The following GLIS3 variants were observed in gnomAD, a reference collection of about 807,000 sequenced individuals.
GLIS3 encodes the protein zinc finger protein GLIS3.
In GLIS3, 53 loss-of-function variants were observed where a neutral mutation model predicts 78.6. That is an observed-to-expected ratio of 0.67 (90% CI 0.54 to 0.85). The LOEUF (loss-of-function observed/expected upper bound fraction) is 0.85, where lower values mean the gene tolerates loss of function less well. Among genes scored for constraint, GLIS3 ranks in the 40% least tolerant of loss-of-function variants. The probability of loss-of-function intolerance (pLI) is 0.00; values close to 1 mark genes in which losing one functional copy is unlikely to be tolerated. For missense variants in GLIS3, 1,703 were observed against 1,231.1 expected, an observed-to-expected ratio of 1.38 and a Z score of -5.74; for synonymous variants, 684 against 509.9, an observed-to-expected ratio of 1.34 and a Z score of -4.60.
At chr9:4,112,479 G>A (rs1234785812) in intron 4 of GLIS3, among the ~76,000 whole-genome samples, 1 of 152,134 alleles carries the variant, frequency 6.6e-6, no homozygotes, top group Non-Finnish European at 1.5e-5. Context: ...TTATAATACT[G>A]TTCTCAACCT....
chr9:4,282,209 G>A (rs955405261), intron 2 of GLIS3, among the ~76,000 whole-genome samples: 1 of 151,986 alleles, frequency 6.6e-6, no homozygotes, highest in African/African-American at 2.4e-5. Context: ...TTTCTTAGCC[G>A]CCGTGTAAAC....
intron 2 of GLIS3, among the ~76,000 whole-genome samples, chr9:4,214,636 T>C (rs924326539): frequency 3.3e-5 from 5 of 152,204 alleles, no homozygotes; most frequent in African/African-American, 4.8e-5. Context: ...CTGGTTTTCA[T>C]TTAGCTTCCT....
At chr9:4,349,245 A>G (rs555065884), upstream of GLIS3, among the ~76,000 whole-genome samples, 4 of 152,346 alleles carry the variant, frequency 2.6e-5, no homozygotes, top group South Asian at 8.3e-4. Flanking sequence ...TGGCACTGGT[A>G]TGCACACTTG....
At chr9:3,945,096 C>T (rs970853506) in intron 4 of GLIS3, among the ~76,000 whole-genome samples, 2 of 152,184 alleles carry the variant, frequency 1.3e-5, no homozygotes, top group Non-Finnish European at 2.9e-5. Flanking sequence ...TTTAAGGCCC[C>T]ACCTCTCAGC....
At chr9:4,175,687 T>C (rs1035532222) in intron 2 of GLIS3, among the ~76,000 whole-genome samples, 1 of 152,184 alleles carries the variant, frequency 6.6e-6, no homozygotes, top group Admixed American at 6.5e-5. Context: ...ATTTTCAAAG[T>C]CCAAGTACTT....
At chr9:4,167,158 G>A (rs1815933936) in intron 2 of GLIS3, among the ~76,000 whole-genome samples, 1 of 152,182 alleles carries the variant, frequency 6.6e-6, no homozygotes, top group Non-Finnish European at 1.5e-5. Context: ...CATCCAAAGA[G>A]GATAAGGGAG....
chr9:3,847,977 C>T (rs778305545), intron 9 of GLIS3, among the ~76,000 whole-genome samples: 2 of 152,290 alleles, frequency 1.3e-5, no homozygotes, highest in South Asian at 4.1e-4. Context: ...GTTCACTCAT[C>T]GGCTCATTTC....
At chr9:4,470,274 T>C in the GLIS3 span, among the ~76,000 whole-genome samples, 3 of 152,146 alleles carry the variant, frequency 2.0e-5, no homozygotes, top group East Asian at 1.9e-4. Context: ...ATCATCCTGA[T>C]TGCAAACCCT....
the GLIS3 span, among the ~76,000 whole-genome samples, chr9:4,366,322 A>C: frequency 6.6e-6 from 1 of 152,232 alleles, no homozygotes; most frequent in East Asian, 1.9e-4. Context: ...AGACTTCTTT[A>C]GCTAATTGCC....
chr9:4,164,325 A>G (rs1835718927), intron 2 of GLIS3, among the ~76,000 whole-genome samples: 1 of 152,206 alleles, frequency 6.6e-6, no homozygotes, highest in Admixed American at 6.5e-5. Flanking sequence ...CCTCTCTGAA[A>G]GCTTAGAGGA....
chr9:4,447,460 C>T, the GLIS3 span, among the ~76,000 whole-genome samples: 3 of 152,134 alleles, frequency 2.0e-5, no homozygotes, highest in African/African-American at 7.2e-5. Flanking sequence ...CCACCACCAC[C>T]ATGTTCACCC....
intron 2 of GLIS3, among the ~76,000 whole-genome samples, chr9:4,192,162 T>C (rs954917647): frequency 6.6e-6 from 1 of 152,164 alleles, no homozygotes; most frequent in Non-Finnish European, 1.5e-5. Flanking sequence ...CAGTTTCCCA[T>C]AAAATTTTCA....
At chr9:4,248,250 C>A (rs899082428) in intron 2 of GLIS3, among the ~76,000 whole-genome samples, 1 of 152,110 alleles carries the variant, frequency 6.6e-6, no homozygotes, top group Non-Finnish European at 1.5e-5. Context: ...CCCCCCATCC[C>A]CCAACAGGCT....
chr9:4,364,361 GA>G, the GLIS3 span, among the ~76,000 whole-genome samples: 1 of 152,146 alleles, frequency 6.6e-6, no homozygotes, highest in Non-Finnish European at 1.5e-5. Context: ...CTTGGGTGAG[GA>G]TAAGTCTTAA....
chr9:4,116,985 G>A (rs1253045187), intron 4 of GLIS3, among the ~76,000 whole-genome samples: 1 of 152,276 alleles, frequency 6.6e-6, no homozygotes, highest in South Asian at 2.1e-4. Flanking sequence ...AACCATTTAA[G>A]AATCGTATTA....
intron 2 of GLIS3, among the ~76,000 whole-genome samples, chr9:4,318,178 G>A (rs182616031): frequency 1.8e-3 from 281 of 152,270 alleles, no homozygotes; most frequent in African/African-American, 6.5e-3. Context: ...GTGGTGGGTG[G>A]AAGGCAGTTA....
chr9:4,249,727 C>G lies in GLIS3; in HGVS notation c.388+36311G>C, dbSNP rs187572462. On this transcript the variant is annotated intron_variant, in intron 2 of 10. Transcript: ENST00000381971. ...TCAAAGGGAATGCTTCCAGCTTTTG[C>G]CCATTCAGTATGATATTGACTGTGG... Among the ~76,000 whole-genome samples, 528 of 152,280 alleles carry G rather than the reference C, an allele frequency of 3.5e-3. 2 individuals carry two copies. Among genetic ancestry groups the G allele is most frequent in the Non-Finnish European group, 3.2e-3 (221 of 68,024 alleles).
At chr9:4,164,540 T>C (rs1835737157) in intron 2 of GLIS3, among the ~76,000 whole-genome samples, 1 of 152,214 alleles carries the variant, frequency 6.6e-6, no homozygotes, top group South Asian at 2.1e-4. Flanking sequence ...GGTCAGACTT[T>C]CTGAGTTCCT....
chr9:3,982,590 G>T (rs923923874), intron 4 of GLIS3, among the ~76,000 whole-genome samples: 2 of 152,132 alleles, frequency 1.3e-5, no homozygotes, highest in African/African-American at 4.8e-5. Flanking sequence ...GAAAAAATTT[G>T]CTATATATTT....
Sources: allele counts gnomAD v4.1 joint callset (sites outside exome capture counted in the v4.1 genomes callset), GRCh38; gene constraint gnomAD v4.1.1; transcripts MANE v1.5; gene names NCBI Gene and HGNC (gene_info 2026-07-23, HGNC 2026-07-21).